NMNAT1: variants seen among roughly 807,000 people sequenced by gnomAD.
NMNAT1 encodes nicotinamide nucleotide adenylyltransferase 1.
Under a neutral mutation model 16.7 loss-of-function variants are expected in NMNAT1, and 11 were observed. The ratio of observed to expected loss-of-function variants is 0.66; its 90% CI spans 0.41 to 1.09. The LOEUF (loss-of-function observed/expected upper bound fraction) is 1.09, where lower values mean the gene tolerates loss of function less well. Ranked by LOEUF, NMNAT1 falls within the 50% of genes least tolerant of loss-of-function variation. The pLI is 0.00. For missense variants in NMNAT1, 280 were observed against 332.3 expected (o/e 0.84, Z 1.22); for synonymous variants, 110 against 119.8 (o/e 0.92, Z 0.53).
intron 1 of NMNAT1, among the ~76,000 whole-genome samples, chr1:9,946,407 ACCAG>A (rs1640981099): frequency 6.6e-6 from 1 of 152,194 alleles, no homozygotes; most frequent in Non-Finnish European, 1.5e-5. Flanking sequence ...TCACTGGGAA[ACCAG>A]ATAAATGCTC....
chr1:9,988,155 G>A (rs1388546172), downstream of NMNAT1, among the ~76,000 whole-genome samples: 1 of 151,850 alleles, frequency 6.6e-6, no homozygotes, highest in Non-Finnish European at 1.5e-5. Flanking sequence ...ACACCACCGT[G>A]CCCAGCTAAC....
At chr1:9,955,044 G>C (rs1641220586) in intron 1 of NMNAT1, among the ~76,000 whole-genome samples, 1 of 152,148 alleles carries the variant, frequency 6.6e-6, no homozygotes, top group Non-Finnish European at 1.5e-5. Flanking sequence ...CAGCACTTTG[G>C]GAGGCTGAGG....
intron 1 of NMNAT1, among the ~76,000 whole-genome samples, chr1:9,962,384 A>T (rs1428870595): frequency 6.6e-6 from 1 of 150,650 alleles, no homozygotes; most frequent in Non-Finnish European, 1.5e-5. Context: ...TGGGAGGCTG[A>T]GGCAGGAGAA....
chr1:9,987,495 C>T (rs904534810), downstream of NMNAT1, among the ~76,000 whole-genome samples: 1 of 151,350 alleles, frequency 6.6e-6, no homozygotes, highest in Non-Finnish European at 1.5e-5. Context: ...AAAAATTATC[C>T]GGGCGTAGGT....
At chr1:9,993,085 G>C in the NMNAT1 span, among the ~76,000 whole-genome samples, 4 of 152,118 alleles carry the variant, frequency 2.6e-5, no homozygotes, top group African/African-American at 9.7e-5. Context: ...ACTGAGTTGG[G>C]GGAGACAGGA....
At chr1:9,978,513 T>A (rs1641864436) in intron 3 of NMNAT1, among the ~76,000 whole-genome samples, 1 of 152,156 alleles carries the variant, frequency 6.6e-6, no homozygotes, top group Admixed American at 6.6e-5. Context: ...TTGGGCAGGA[T>A]TGGGCACTGA....
intron 1 of NMNAT1, among the ~76,000 whole-genome samples, chr1:9,966,949 C>A (rs927917409): frequency 6.6e-6 from 1 of 152,074 alleles, no homozygotes; most frequent in African/African-American, 2.4e-5. Flanking sequence ...TTGGGCTGGG[C>A]ACAGTGGCTC....
At position 9,982,676 on chromosome 1, in the gene NMNAT1, G is replaced by C; in HGVS notation, c.815G>C (p.Arg272Thr). Residue 272 changes from arginine to threonine, a missense_variant, in exon 5 of 5, where the codon AGA (arginine) becomes ACA (threonine). Physicochemically the swap from Arg to Thr is moderately conservative, Grantham distance 71. Transcript: ENST00000377205. ...GGGGTCATCCTGGCCCCTTTGCAGA[G>C]AAACACTGCAGAAGCTAAGACATAG... ...NAGVILAPLQRNTAEAKT is the reference protein window; with the variant it reads ...NAGVILAPLQTNTAEAKT 6.2e-7 allele frequency: 1 copy of C among 1,612,094 alleles called. No individual in the cohort carries two copies. The highest frequency in any genetic ancestry group is 8.5e-7 in the Non-Finnish European group (1 of 1,179,034).
chr1:9,989,045 C>G (rs1238154777), downstream of NMNAT1, among the ~76,000 whole-genome samples: 1 of 152,098 alleles, frequency 6.6e-6, no homozygotes, highest in Non-Finnish European at 1.5e-5. Flanking sequence ...AATGAGGGCT[C>G]CCCACCTGGA....
At position 9,953,163 on chromosome 1, in the gene NMNAT1, TA is replaced by T. The variant is rs1464861339; in HGVS notation, c.-57+9649del. 2.0e-5 allele frequency among the ~76,000 whole-genome samples: 3 copies of T among 151,866 alleles called. No homozygotes were observed. The East Asian group carries it at 5.8e-4, about 29-fold the overall frequency. ...GCCTGGCTAATTTTTTTTGTATTTT[TA>T]GTAGAGACGGGGTTTCACTGCATTA... On this transcript the variant is annotated intron_variant, in intron 1 of 4. Coordinates refer to ENST00000377205, the MANE Select transcript of NMNAT1 (RefSeq NM_022787.4).
At chr1:9,948,602 A>C (rs1227050603) in intron 1 of NMNAT1, among the ~76,000 whole-genome samples, 1 of 151,918 alleles carries the variant, frequency 6.6e-6, no homozygotes, top group Admixed American at 6.6e-5. Flanking sequence ...GTCCTTAATG[A>C]CATTGGGACC....
intron 3 of NMNAT1, among the ~76,000 whole-genome samples, chr1:9,976,108 G>A (rs570864043): frequency 3.4e-4 from 52 of 152,032 alleles, no homozygotes; most frequent in African/African-American, 1.3e-3. Context: ...CCAACATGGT[G>A]AAAACCCGTC....
At chr1:9,991,818 C>G in the NMNAT1 span, among the ~76,000 whole-genome samples, 1 of 152,076 alleles carries the variant, frequency 6.6e-6, no homozygotes, top group Admixed American at 6.6e-5. Context: ...GAAGGCTGTT[C>G]TGAGAAGATG....
At chr1:9,945,187 T>C (rs1446149352) in intron 1 of NMNAT1, among the ~76,000 whole-genome samples, 1 of 151,974 alleles carries the variant, frequency 6.6e-6, no homozygotes, top group African/African-American at 2.4e-5. Context: ...TGAGCCAAGA[T>C]CACGACGCTG....
intron 1 of NMNAT1, among the ~76,000 whole-genome samples, chr1:9,962,469 G>A (rs1247298150): frequency 5.5e-5 from 8 of 145,928 alleles, no homozygotes; most frequent in Non-Finnish European, 9.0e-5. Flanking sequence ...GCGACAGAGC[G>A]AGACTCCGTC....
chr1:9,953,834 C>T (rs1284070594), intron 1 of NMNAT1, among the ~76,000 whole-genome samples: 2 of 95,780 alleles, frequency 2.1e-5, no homozygotes, highest in Admixed American at 1.7e-4. Context: ...GAGACAGAGT[C>T]TTGCTCTCTT....
At chr1:9,952,681 G>A (rs1463980529) in intron 1 of NMNAT1, among the ~76,000 whole-genome samples, 1 of 151,952 alleles carries the variant, frequency 6.6e-6, no homozygotes, top group Non-Finnish European at 1.5e-5. Context: ...GGGATTATAG[G>A]TGTGCACCAC....
chr1:9,955,112 C>T (rs1195875766), intron 1 of NMNAT1, among the ~76,000 whole-genome samples: 2 of 147,332 alleles, frequency 1.4e-5, no homozygotes, highest in Non-Finnish European at 3.0e-5. Context: ...TGGTGAAACC[C>T]CATCTCTAAG....
chr1:9,957,072 C>G (rs1641280473), intron 1 of NMNAT1, among the ~76,000 whole-genome samples: 1 of 152,042 alleles, frequency 6.6e-6, no homozygotes, highest in South Asian at 2.1e-4. Context: ...TCTTGTCACC[C>G]AGGCTGGAGT....
Sources: allele counts gnomAD v4.1 joint callset (sites outside exome capture counted in the v4.1 genomes callset), GRCh38; gene constraint gnomAD v4.1.1; transcripts MANE v1.5; gene names NCBI Gene and HGNC (gene_info 2026-07-23, HGNC 2026-07-21).